Variants in DDX10 observed in about 807,000 individuals in gnomAD.
DDX10 encodes the protein DEAD-box helicase 10.
DDX10 carries 74 observed loss-of-function variants against 104.3 expected under a neutral mutation model. The ratio of observed to expected loss-of-function variants is 0.71; its 90% CI spans 0.59 to 0.86. The LOEUF (loss-of-function observed/expected upper bound fraction) is 0.86. Ranked by LOEUF, DDX10 falls within the 40% of genes least tolerant of loss-of-function variation. The probability of loss-of-function intolerance (pLI) is 0.00; values close to 1 mark genes in which losing one functional copy is unlikely to be tolerated. For synonymous variants in DDX10, 351 were observed against 353.4 expected (o/e 0.99, Z 0.08); for missense variants, 952 against 1,040.0 (o/e 0.92, Z 1.16).
intron 16 of DDX10, among the ~76,000 whole-genome samples, chr11:108,887,950 C>G (rs2553765): frequency 0.23 from 22,630 of 97,428 alleles, 2,077 homozygotes; most frequent in South Asian, 0.34. Context: ...AAAAGAAATA[C>G]AGCTTTTTTC....
intron 7 of DDX10, among the ~76,000 whole-genome samples, chr11:108,690,047 C>CT: frequency 6.9e-6 from 1 of 144,532 alleles, no homozygotes; most frequent in Non-Finnish European, 1.5e-5. Context: ...GACACCCTGT[C>CT]TTTAAAAAAA....
At chr11:108,915,372 T>C (rs377331493) in intron 16 of DDX10, among the ~76,000 whole-genome samples, 4 of 151,930 alleles carry the variant, frequency 2.6e-5, no homozygotes, top group African/African-American at 9.6e-5. Context: ...CCAATATTTC[T>C]CAATATTTGA....
intron 11 of DDX10, among the ~76,000 whole-genome samples, chr11:108,716,795 T>G (rs1006357543): frequency 2.0e-5 from 3 of 152,228 alleles, no homozygotes; most frequent in African/African-American, 7.2e-5. Context: ...TTTTCTTAAT[T>G]GATAAATTAT....
intron 16 of DDX10, among the ~76,000 whole-genome samples, chr11:108,886,827 T>G (rs150228712): frequency 2.0e-5 from 3 of 152,346 alleles, no homozygotes; most frequent in African/African-American, 4.8e-5. Context: ...AAAACTAATC[T>G]CATTCATGAC....
intron 13 of DDX10, among the ~76,000 whole-genome samples, chr11:108,799,486 C>CAATGATTATTTGA (rs1197309004): frequency 2.0e-5 from 3 of 152,282 alleles, no homozygotes; most frequent in Non-Finnish European, 4.4e-5. Flanking sequence ...TTCATCTGAA[C>CAATGATTATTTGA]CTCACTCAGA....
chr11:108,874,708 G>A (rs1026282980), intron 16 of DDX10, among the ~76,000 whole-genome samples: 1 of 152,020 alleles, frequency 6.6e-6, no homozygotes, highest in Non-Finnish European at 1.5e-5. Flanking sequence ...GAGAATAGTT[G>A]TATCTCTTTA....
At chr11:108,844,918 C>T (rs1014884960) in intron 15 of DDX10, among the ~76,000 whole-genome samples, 3 of 152,078 alleles carry the variant, frequency 2.0e-5, no homozygotes, top group Non-Finnish European at 4.4e-5. Context: ...TTCTTCCTGC[C>T]GGGCACGGTG....
chr11:108,790,212 T>C (rs1222829211), intron 13 of DDX10, among the ~76,000 whole-genome samples: 1 of 152,202 alleles, frequency 6.6e-6, no homozygotes, highest in African/African-American at 2.4e-5. Context: ...AAATTTCGCT[T>C]ATTCTTTGAC....
chr11:108,672,238 A>T (rs1439607821), intron 1 of DDX10, among the ~76,000 whole-genome samples: 2 of 152,108 alleles, frequency 1.3e-5, no homozygotes, highest in Non-Finnish European at 2.9e-5. Flanking sequence ...CTTTGCCTGT[A>T]CTGTGTCTCT....
At chr11:108,870,684 C>T (rs975048554) in intron 16 of DDX10, among the ~76,000 whole-genome samples, 2 of 152,166 alleles carry the variant, frequency 1.3e-5, no homozygotes, top group Non-Finnish European at 2.9e-5. Context: ...ATCCTGTATT[C>T]TCTTACCTTG....
Position 108,715,971 on chromosome 11 carries a change from G to T in DDX10, c.1410+5G>T, listed in dbSNP as rs2094290811. 6.8e-7 allele frequency: 1 copy of T among 1,474,802 alleles called. No individual in the cohort carries two copies. The highest frequency in any genetic ancestry group is 9.4e-7 in the Non-Finnish European group (1 of 1,060,480). 91.4% of individuals were successfully genotyped at this position (1,474,802 alleles called of 1,614,324 possible). ...TTAAAAGAAAGAGCTCAAAGGGTAA[G>T]TCATTTTTCAGTTGGATACTTTCAT... On this transcript the variant is annotated splice_donor_5th_base_variant and intron_variant, in intron 11 of 17. Transcript: ENST00000322536.
chr11:108,665,147 C>T lies in DDX10; in HGVS notation c.-7C>T. On this transcript the variant is annotated 5_prime_UTR_variant, in exon 1 of 18. Coordinates refer to ENST00000322536, the MANE Select transcript of DDX10 (RefSeq NM_004398.4). ...GGTTGATCCGAGCTGTCGCCGCCGC[C>T]GCCGCAATGGGCAAAACGGCCAACT... 6.2e-7 allele frequency: 1 copy of T among 1,602,286 alleles called. No homozygotes were observed.
At chr11:108,741,931 A>AT in intron 13 of DDX10, among the ~76,000 whole-genome samples, 1 of 152,284 alleles carries the variant, frequency 6.6e-6, no homozygotes, top group East Asian at 1.9e-4. Flanking sequence ...AAAAAGTAAA[A>AT]TTAGAGCAGA....
chr11:108,879,299 C>T (rs530267092), intron 16 of DDX10, among the ~76,000 whole-genome samples: 13 of 151,968 alleles, frequency 8.6e-5, no homozygotes, highest in Admixed American at 7.2e-4. Context: ...CACATCCGGC[C>T]GAAATTTTCT....
intron 2 of DDX10, 45 bp downstream of exon 2, chr11:108,673,572 A>C: frequency 7.1e-7 from 1 of 1,404,132 alleles, no homozygotes; most frequent in Non-Finnish European, 1.0e-6. Context: ...ATTTCTTGGC[A>C]TTTTTGATAA....
At chr11:108,682,741 T>TC (rs1490384901) in intron 6 of DDX10, among the ~76,000 whole-genome samples, 1 of 152,230 alleles carries the variant, frequency 6.6e-6, no homozygotes, top group Non-Finnish European at 1.5e-5. Context: ...TCTTGTATTG[T>TC]CACCCTTCCA....
At chr11:108,862,586 T>G (rs1377773056) in intron 16 of DDX10, among the ~76,000 whole-genome samples, 1 of 152,222 alleles carries the variant, frequency 6.6e-6, no homozygotes, top group East Asian at 1.9e-4. Context: ...TCCTAAAACT[T>G]ACAAAACAAT....
intron 15 of DDX10, among the ~76,000 whole-genome samples, chr11:108,850,703 A>G (rs1862779194): frequency 6.6e-6 from 1 of 152,174 alleles, no homozygotes; most frequent in African/African-American, 2.4e-5. Context: ...ACATATTGAT[A>G]CGGATACAAA....
chr11:108,798,059 GCT>G (rs1861970602), intron 13 of DDX10, among the ~76,000 whole-genome samples: 1 of 152,044 alleles, frequency 6.6e-6, no homozygotes, highest in Non-Finnish European at 1.5e-5. Flanking sequence ...CCTATTTTCT[GCT>G]CTCACTTCCA....
Sources: gnomAD v4.1 joint callset for allele counts (sites outside exome capture counted in the v4.1 genomes callset) on GRCh38, gnomAD v4.1.1 for gene constraint, MANE v1.5 for transcripts, NCBI Gene and HGNC (gene_info 2026-07-23, HGNC 2026-07-21) for gene names.